Variants in RELN observed in about 807,000 individuals in gnomAD.
The protein encoded by RELN is reelin.
Under a neutral mutation model 427.6 loss-of-function variants are expected in RELN, and 108 were observed. That is an observed-to-expected ratio of 0.25 (90% confidence interval 0.22 to 0.30). The LOEUF (loss-of-function observed/expected upper bound fraction) is 0.30. Ranked by LOEUF, RELN falls within the 10% of genes least tolerant of loss-of-function variation. RELN has a pLI of 1.00. For missense variants in RELN, 3,715 were observed against 4,302.8 expected (o/e 0.86, Z 3.82); for synonymous variants, 1,524 against 1,513.4 (o/e 1.01, Z -0.16).
rs531843844 is a variant in RELN, at chr7:103,526,129, T to A, written c.7350-2598A>T. Among the ~76,000 whole-genome samples, 4 of 152,328 alleles carry A rather than the reference T, an allele frequency of 2.6e-5. No individual in the cohort carries two copies. In the South Asian group the frequency reaches 8.3e-4, roughly 32 times the overall value. ...GCTTCCTGGCAGCCGAGAGGTGGCATGGGTTGCCTAGCAGGTGGTTGCTTT... is the reference window on the plus strand; with the variant it reads ...GCTTCCTGGCAGCCGAGAGGTGGCAAGGGTTGCCTAGCAGGTGGTTGCTTT... On this transcript the variant is annotated intron_variant, in intron 46 of 64. Coordinates refer to ENST00000428762, the MANE Select transcript of RELN (RefSeq NM_005045.4).
chr7:103,894,069 T>C lies in RELN; in HGVS notation c.337+23006A>G, dbSNP rs117169558. 8.0e-3 allele frequency among the ~76,000 whole-genome samples: 1,224 copies of C among 152,302 alleles called. 12 individuals carry two copies. Among genetic ancestry groups the C allele is most frequent in the Middle Eastern group, 0.014 (4 of 294 alleles). Reference sequence around the variant, plus strand: ...AAATTTTCAGTGTGTTAAATGCGCATGTACAACTATTAAAATGTTACTGCT... The same window carrying C: ...AAATTTTCAGTGTGTTAAATGCGCACGTACAACTATTAAAATGTTACTGCT... On this transcript the variant is annotated intron_variant, in intron 2 of 64. Coordinates refer to ENST00000428762, the MANE Select transcript of RELN (RefSeq NM_005045.4).
At chr7:103,746,640 G>A (rs912303137) in intron 6 of RELN, among the ~76,000 whole-genome samples, 6 of 152,214 alleles carry the variant, frequency 3.9e-5, no homozygotes, top group Admixed American at 3.9e-4. Context: ...AGACATTTAT[G>A]CAGCCAACAG....
intron 11 of RELN, among the ~76,000 whole-genome samples, chr7:103,663,603 A>G (rs1833192741): frequency 6.6e-6 from 1 of 151,976 alleles, no homozygotes; most frequent in Non-Finnish European, 1.5e-5. Context: ...CACCACTTCC[A>G]CTCAAAGTCC....
At chr7:103,961,896 C>G (rs902016778) in intron 1 of RELN, among the ~76,000 whole-genome samples, 2 of 152,078 alleles carry the variant, frequency 1.3e-5, no homozygotes, top group African/African-American at 2.4e-5. Context: ...CTTTTAAATT[C>G]AGAGTTTTCC....
At chr7:103,843,061 C>T (rs534309144) in intron 2 of RELN, among the ~76,000 whole-genome samples, 2 of 152,242 alleles carry the variant, frequency 1.3e-5, no homozygotes, top group African/African-American at 2.4e-5. Context: ...CTCTATCATT[C>T]TATTCCTCAG....
At chr7:103,671,648 T>G (rs563678891) in intron 11 of RELN, among the ~76,000 whole-genome samples, 1 of 152,280 alleles carries the variant, frequency 6.6e-6, no homozygotes, top group Non-Finnish European at 1.5e-5. Flanking sequence ...TTTTTCATGC[T>G]ATAATTAATA....
chr7:103,979,537 A>G (rs141280006), intron 1 of RELN, among the ~76,000 whole-genome samples: 77 of 152,348 alleles, frequency 5.1e-4, no homozygotes, highest in Non-Finnish European at 8.5e-4. Flanking sequence ...TCCATGTATG[A>G]AAAATAACTC....
At chr7:103,833,772 G>C in intron 2 of RELN, 100 bp from the exon 3 acceptor site, 3 of 1,190,548 alleles carry the variant, frequency 2.5e-6, no homozygotes, top group South Asian at 2.6e-5. Flanking sequence ...TCATGTTAAG[G>C]TTCTATGCTA....
At chr7:103,935,041 T>C (rs1795950602) in intron 1 of RELN, among the ~76,000 whole-genome samples, 2 of 152,212 alleles carry the variant, frequency 1.3e-5, no homozygotes, top group African/African-American at 4.8e-5. Flanking sequence ...ACATGTTTCT[T>C]TAGCACAAGA....
chr7:103,962,786 C>T (rs943486618), intron 1 of RELN, among the ~76,000 whole-genome samples: 2 of 152,044 alleles, frequency 1.3e-5, no homozygotes, highest in African/African-American at 2.4e-5. Flanking sequence ...TTTGAACTGA[C>T]AATCTAACCA....
intron 1 of RELN, among the ~76,000 whole-genome samples, chr7:103,927,907 G>A (rs528804863): frequency 1.3e-5 from 2 of 152,230 alleles, no homozygotes; most frequent in African/African-American, 4.8e-5. Flanking sequence ...CTTTGCAAAG[G>A]ACTAAGTATG....
chr7:103,773,134 T>TTCTTTCTTTCTTTCTC (rs1563004280), intron 4 of RELN, among the ~76,000 whole-genome samples: 1 of 98,408 alleles, frequency 1.0e-5, no homozygotes, highest in Admixed American at 1.1e-4. Context: ...CTTTCTTTCT[T>TTCTTTCTTTCTTTCTC]TCTTTCTTTC....
chr7:103,875,695 G>A (rs989428353), intron 2 of RELN, among the ~76,000 whole-genome samples: 5 of 151,984 alleles, frequency 3.3e-5, no homozygotes, highest in Admixed American at 6.6e-5. Flanking sequence ...ATAAGACTTA[G>A]GGATTTTTTT....
intron 6 of RELN, among the ~76,000 whole-genome samples, chr7:103,746,524 A>G (rs1790836087): frequency 6.6e-6 from 1 of 152,060 alleles, no homozygotes; most frequent in African/African-American, 2.4e-5. Context: ...CTCATCTGAC[A>G]AAGGGCTAAT....
chr7:103,844,879 A>C (rs1330746920), intron 2 of RELN, among the ~76,000 whole-genome samples: 1 of 152,208 alleles, frequency 6.6e-6, no homozygotes, highest in Non-Finnish European at 1.5e-5. Flanking sequence ...ACTGCACTCA[A>C]ATAAAGTGTC....
intron 2 of RELN, among the ~76,000 whole-genome samples, chr7:103,860,105 T>C (rs1794038261): frequency 6.6e-6 from 1 of 152,206 alleles, no homozygotes; most frequent in Admixed American, 6.6e-5. Context: ...ACGTTGTTCA[T>C]TATATCACAA....
chr7:103,558,759 A>G (rs2117171891), intron 36 of RELN, among the ~76,000 whole-genome samples: 1 of 151,678 alleles, frequency 6.6e-6, no homozygotes, highest in East Asian at 1.9e-4. Context: ...GACAGCCAGT[A>G]AAACAGAATT....
chr7:103,724,462 A>C (rs1790154760), intron 7 of RELN, among the ~76,000 whole-genome samples: 1 of 152,216 alleles, frequency 6.6e-6, no homozygotes, highest in African/African-American at 2.4e-5. Flanking sequence ...AGGTGACTGA[A>C]CGTGTGCTTT....
chr7:103,692,277 G>C (rs1833888042), intron 10 of RELN, among the ~76,000 whole-genome samples: 1 of 152,112 alleles, frequency 6.6e-6, no homozygotes, highest in Non-Finnish European at 1.5e-5. Context: ...AAGCATGCAT[G>C]ATCTGCCTGA....
Sources: gnomAD v4.1 joint callset for allele counts (sites outside exome capture counted in the v4.1 genomes callset) on GRCh38, gnomAD v4.1.1 for gene constraint, MANE v1.5 for transcripts, NCBI Gene and HGNC (gene_info 2026-07-23, HGNC 2026-07-21) for gene names.